The following NUCB2 variants were observed in gnomAD, a reference collection of about 807,000 sequenced individuals.
NUCB2 encodes the protein nucleobindin 2.
A neutral mutation model predicts 57.9 loss-of-function variants in NUCB2; 48 were observed. That is an observed-to-expected ratio of 0.83 (90% CI 0.66 to 1.05). The LOEUF (loss-of-function observed/expected upper bound fraction) is 1.05, where lower values mean the gene tolerates loss of function less well. Among genes scored for constraint, NUCB2 ranks in the 50% least tolerant of loss-of-function variants. The pLI is 0.00. For synonymous variants in NUCB2, 139 were observed against 152.1 expected, an observed-to-expected ratio of 0.91 and a Z score of 0.64; for missense variants, 442 against 476.2, an observed-to-expected ratio of 0.93 and a Z score of 0.67.
intron 4 of NUCB2, among the ~76,000 whole-genome samples, chr11:17,298,445 G>A (rs1411605906): frequency 3.3e-5 from 5 of 151,822 alleles, no homozygotes; most frequent in Non-Finnish European, 7.4e-5. Context: ...GTGTGTGCCT[G>A]TAGTCCCAGC....
chr11:17,285,224 A>G (rs961168307), intron 2 of NUCB2, among the ~76,000 whole-genome samples: 40 of 151,516 alleles, frequency 2.6e-4, no homozygotes, highest in Middle Eastern at 3.4e-3. Flanking sequence ...TCAGGAGATC[A>G]AGACCATCCT....
chr11:17,299,131 T>C (rs1289977787), intron 4 of NUCB2, among the ~76,000 whole-genome samples: 1 of 152,238 alleles, frequency 6.6e-6, no homozygotes, highest in Non-Finnish European at 1.5e-5. Context: ...ATGGAGGGCA[T>C]CCATGACTTC....
intron 2 of NUCB2, among the ~76,000 whole-genome samples, chr11:17,294,424 T>G (rs1048803352): frequency 3.3e-5 from 5 of 152,144 alleles, no homozygotes; most frequent in Non-Finnish European, 7.3e-5. Context: ...TATGCTGTAC[T>G]TAAATGGGTG....
rs1442942516 is a variant in NUCB2, at chr11:17,330,121, T to C, written c.1003-6T>C. 1 of 1,415,964 alleles carries C rather than the reference T, an allele frequency of 7.1e-7. No homozygotes were observed. The highest frequency in any genetic ancestry group is 9.7e-7 in the Non-Finnish European group (1 of 1,032,588). The allele number at this position is 1,415,964 out of a possible 1,614,324, so 87.7% of individuals were successfully genotyped here. A position where few individuals can be genotyped will look rare whatever the true frequency, so the allele number is the denominator to read the frequency against. On this transcript the variant is annotated splice_region_variant and splice_polypyrimidine_tract_variant and intron_variant, in intron 11 of 13. Coordinates refer to ENST00000529010, the MANE Select transcript of NUCB2 (RefSeq NM_005013.4). The surrounding 1 kb of genome is among the most constrained non-coding windows in gnomAD (Gnocchi z 4.3). The stretch of plus-strand genomic sequence containing the variant: ...GATTATTCTTTCCTCATTTTTTTTC[T>C]TTTAGACATTAGATCAGCAACAGTT...
At chr11:17,321,745 C>T (rs1334600563) in intron 11 of NUCB2, among the ~76,000 whole-genome samples, 1 of 151,790 alleles carries the variant, frequency 6.6e-6, no homozygotes, top group Non-Finnish European at 1.5e-5. Context: ...TTTTTTTTCA[C>T]ATCCTTGCCA....
intron 5 of NUCB2, among the ~76,000 whole-genome samples, chr11:17,303,884 C>CAAAAAAAAAAAAAAAAA (rs1237614290): frequency 1.8e-5 from 1 of 54,640 alleles, no homozygotes; most frequent in Non-Finnish European, 4.0e-5. Context: ...GACTCCATCT[C>CAAAAAAAAAAAAAAAAA]AAAAAAAAAA....
chr11:17,311,137 G>A (rs1179870721), intron 7 of NUCB2, 56 bp from the exon 8 acceptor site: 1 of 1,464,340 alleles, frequency 6.8e-7, no homozygotes, highest in East Asian at 2.3e-5. Context: ...TATATTTTGA[G>A]TCTGTACAGA....
intron 2 of NUCB2, among the ~76,000 whole-genome samples, chr11:17,293,438 G>A (rs777599739): frequency 6.6e-6 from 1 of 152,112 alleles, no homozygotes; most frequent in Non-Finnish European, 1.5e-5. Context: ...CTCATTTATA[G>A]GTGGTGAGAA....
At chr11:17,348,861 C>T (rs187736095) in intron 2 of NUCB2, among the ~76,000 whole-genome samples, 2 of 152,070 alleles carry the variant, frequency 1.3e-5, no homozygotes, top group African/African-American at 4.8e-5. Context: ...CTCACTGCAA[C>T]CTCCGCTTCC....
In NUCB2 at chr11:17,330,179, ATAT is replaced by A. The variant is rs1565472030; in HGVS notation, c.1060_1062del (p.Ile354del). 2 of 1,589,182 alleles carry A rather than the reference ATAT, an allele frequency of 1.3e-6. No individual in the cohort carries two copies. The highest frequency in any genetic ancestry group is 1.7e-5 in the Admixed American group (1 of 58,978). On this transcript the variant is annotated inframe_deletion, in exon 12 of 14. Transcript: ENST00000529010. This position sits in a 1 kb window ranked among gnomAD's most constrained non-coding sequence, Gnocchi z 4.3. ...GAGGAAGAACTAAAAGAATATGAAA[ATAT>A]TATTGCTTTACAAGAAAATGAACTT... is the stretch of plus-strand genomic sequence containing the variant.
At chr11:17,288,182 G>T (rs1944115141) in intron 2 of NUCB2, among the ~76,000 whole-genome samples, 1 of 152,154 alleles carries the variant, frequency 6.6e-6, no homozygotes, top group African/African-American at 2.4e-5. Context: ...TTCTTTATGT[G>T]TGCATAAAAA....
At chr11:17,287,422 G>A (rs370299366) in intron 2 of NUCB2, among the ~76,000 whole-genome samples, 4 of 151,332 alleles carry the variant, frequency 2.6e-5, no homozygotes, top group African/African-American at 4.9e-5. Context: ...CTGTAATCTC[G>A]GCACTTTGGG....
At chr11:17,312,243 T>G (rs183997808) in intron 10 of NUCB2, 123 bp downstream of exon 10, 2 of 507,162 alleles carry the variant, frequency 3.9e-6, no homozygotes, top group Non-Finnish European at 6.7e-6. Context: ...TTTGTTTTTG[T>G]TTTTTTTTTG....
intron 2 of NUCB2, among the ~76,000 whole-genome samples, chr11:17,287,906 A>C (rs1356940926): frequency 6.6e-6 from 1 of 152,102 alleles, no homozygotes; most frequent in Non-Finnish European, 1.5e-5. Context: ...AGGCTGAGGC[A>C]GGAATCGCTT....
chr11:17,295,006 C>T (rs1945588334), intron 2 of NUCB2, among the ~76,000 whole-genome samples: 1 of 152,104 alleles, frequency 6.6e-6, no homozygotes, highest in Admixed American at 6.6e-5. Flanking sequence ...AGTGATCGTA[C>T]CATTGCACTC....
chr11:17,295,808 A>G (rs1945733697), intron 3 of NUCB2, among the ~76,000 whole-genome samples: 1 of 152,228 alleles, frequency 6.6e-6, no homozygotes, highest in African/African-American at 2.4e-5. Context: ...GAGGCAGATA[A>G]CAATGGGGAG....
chr11:17,336,753 C>CAAAA (rs71047542), downstream of NUCB2, among the ~76,000 whole-genome samples: 116 of 47,436 alleles, frequency 2.4e-3, 6 homozygotes, highest in African/African-American at 5.7e-3. Flanking sequence ...GACTCCGTCT[C>CAAAA]AAAAAAAAAA....
At chr11:17,307,063 G>A (rs566419210) in intron 5 of NUCB2, among the ~76,000 whole-genome samples, 2 of 152,238 alleles carry the variant, frequency 1.3e-5, no homozygotes, top group African/African-American at 4.8e-5. Context: ...AATTTTTAAA[G>A]TAGGCAGTTT....
chr11:17,310,236 CT>C (rs201890915), intron 6 of NUCB2, among the ~76,000 whole-genome samples: 34,280 of 146,686 alleles, frequency 0.23, 4,720 homozygotes, highest in East Asian at 0.35. Context: ...CTTTCTTCTT[CT>C]TTTTTTTTTT....
Sources: allele counts gnomAD v4.1 joint callset (sites outside exome capture counted in the v4.1 genomes callset), GRCh38; gene constraint gnomAD v4.1.1; non-coding constraint Gnocchi (gnomAD v3.1); transcripts MANE v1.5; gene names NCBI Gene and HGNC (gene_info 2026-07-23, HGNC 2026-07-21).